SCRIB: variants seen among roughly 807,000 people sequenced by gnomAD.
SCRIB encodes the protein protein scribble homolog.
In SCRIB, 72 loss-of-function variants were observed where a neutral mutation model predicts 170.0. The observed-to-expected ratio is 0.42, with a 90% CI of 0.35 to 0.52. The LOEUF is 0.52. Ranked by LOEUF, SCRIB falls within the 20% of genes least tolerant of loss-of-function variation. SCRIB has a pLI of 0.02. For synonymous variants in SCRIB, 1,298 were observed against 1,044.3 expected (o/e 1.24, Z -4.68); for missense variants, 2,475 against 2,338.5 (o/e 1.06, Z -1.20).
intron 21 of SCRIB, 130 bp downstream of exon 21, chr8:143,804,438 C>A: frequency 1.0e-6 from 1 of 982,438 alleles, no homozygotes. Context: ...CAAGGAGCTG[C>A]AGGGGAAAGG....
In SCRIB at chr8:143,812,942, C is replaced by T. The variant is rs750411682; in HGVS notation, c.662G>A (p.Arg221His). The T allele has an allele frequency of 1.9e-5, 30 of 1,612,664 alleles. No homozygotes were observed. The highest frequency in any genetic ancestry group is 9.9e-5 in the South Asian group (9 of 91,056). The stretch of plus-strand genomic sequence containing the variant: ...TTCCGACACGTCCAGGCACACCAGG[C>T]GCCGCAGGTTCCCGAGCTCCTGCAG... ...ALPPELGNLR[R>H]LVCLDVSENR... is the part of the protein sequence containing the mutation. The change falls in exon 8 of 37, where the codon CGC becomes CAC. Residue 221 changes from arginine (R) to histidine (H), a missense_variant. Arg to His is a conservative substitution (Grantham distance 29). This residue lies in a region of SCRIB where 487 missense variants were observed against 558.1 expected (regional missense o/e 0.87). Transcript: ENST00000356994.
chr8:143,814,445 C>A (rs1815931033), intron 1 of SCRIB, among the ~76,000 whole-genome samples: 1 of 152,172 alleles, frequency 6.6e-6, no homozygotes. Context: ...TTCTGCCACC[C>A]TCCAGGGGCC....
In SCRIB at chr8:143,792,863, G is replaced by A. The variant is rs782103526; in HGVS notation, c.4022C>T (p.Pro1341Leu). ...CGGGGAGGCTGCAGGCCCAGGCGTGGGGGGCTGGGGGGAGCGGACCTTGAG... is the reference window on the plus strand; with the variant it reads ...CGGGGAGGCTGCAGGCCCAGGCGTGAGGGGCTGGGGGGAGCGGACCTTGAG... ...HPPEDAPAQP[P>L]TPGPAASPEQ... is the part of the protein sequence containing the mutation. The change falls in exon 30 of 37, where the codon CCC (proline) becomes CTC (leucine). Residue 1341 changes from proline (P) to leucine (L), a missense_variant. Coordinates refer to ENST00000356994, the MANE Select transcript of SCRIB (RefSeq NM_182706.5). 94 of 1,510,666 alleles carry A rather than the reference G, an allele frequency of 6.2e-5. No homozygotes were observed. The South Asian group carries it at 1.1e-3, about 18-fold the overall frequency. 93.6% of individuals were successfully genotyped at this position (1,510,666 alleles called of 1,614,324 possible).
intron 15 of SCRIB, 122 bp from the exon 16 acceptor site, chr8:143,807,736 G>A: frequency 1.3e-6 from 1 of 799,254 alleles, no homozygotes; most frequent in South Asian, 1.4e-5. Context: ...TCCCTCGACT[G>A]CCCTGGCACG....
rs554339633 is a variant in SCRIB at position 143,803,255 on chromosome 8, G to A, written c.3603+128C>T. ...CTCCCCAGCCCGCACGGCTGATGCA[G>A]AGCCGCAGAGCACCGCCCAGACCCA... On this transcript the variant is annotated intron_variant, in intron 24 of 36. Coordinates refer to ENST00000356994, the MANE Select transcript of SCRIB (RefSeq NM_182706.5). 2,888 of 890,952 alleles carry A rather than the reference G, an allele frequency of 3.2e-3. 72 individuals are homozygous for A. Among genetic ancestry groups the A allele is most frequent in the Middle Eastern group, 2.9e-3 (8 of 2,802 alleles). 55.2% of individuals were successfully genotyped at this position (890,952 alleles called of 1,614,324 possible).
At chr8:143,811,439 C>G (rs1007150784) in intron 9 of SCRIB, 94 bp from the exon 10 acceptor site, 1 of 1,103,032 alleles carries the variant, frequency 9.1e-7, no homozygotes, top group Middle Eastern at 2.4e-4. Flanking sequence ...ACACCCCAGG[C>G]CAGCTCCAGC....
At chr8:143,803,189 G>A (rs571230074) in intron 24 of SCRIB, among the ~76,000 whole-genome samples, 194 bp downstream of exon 24, 70 of 152,278 alleles carry the variant, frequency 4.6e-4, no homozygotes, top group Admixed American at 1.0e-3. Context: ...TCGATGAGCC[G>A]GAGCTCAGCA....
chr8:143,804,450 C>G lies in SCRIB; in HGVS notation c.3009+118G>C, dbSNP rs566154940. 8.1e-6 allele frequency: 9 copies of G among 1,106,090 alleles called. No individual in the cohort carries two copies. The African/African-American group carries it at 1.4e-4, about 17-fold the overall frequency. 68.5% of individuals were successfully genotyped at this position (1,106,090 alleles called of 1,614,324 possible). On this transcript the variant is annotated intron_variant, in intron 21 of 36. Coordinates refer to ENST00000356994, the MANE Select transcript of SCRIB (RefSeq NM_182706.5). ...CCTCAAGGAGCTGCAGGGGAAAGGG[C>G]GAGCAGGCCGGCTTCCCACCTGGAG...
intron 1 of SCRIB, chr8:143,814,948 G>A: frequency 2.1e-6 from 1 of 486,764 alleles, no homozygotes; most frequent in African/African-American, 2.0e-5. Flanking sequence ...CCACCTCCCT[G>A]AATCCCCACG....
rs772469431 is a variant in SCRIB, at chr8:143,811,370, G to A, written c.907-25C>T. ...CCTGGCCAAGAAGAGGAGGTCAGAG[G>A]ACGCTAGGGGCTTGCTGGGGGTGGG... On this transcript the variant is annotated intron_variant, in intron 9 of 36. Transcript: ENST00000356994. 370 of 1,597,182 alleles carry A rather than the reference G, an allele frequency of 2.3e-4. 2 individuals carry two copies. The highest frequency in any genetic ancestry group is 2.8e-4 in the Non-Finnish European group (322 of 1,167,812).
At position 143,806,939 on chromosome 8, in the gene SCRIB, A is replaced by G. The variant is rs1554636733; in HGVS notation, c.2253T>C (p.Tyr751=). 3.7e-6 allele frequency: 6 copies of G among 1,612,416 alleles called. No individual in the cohort carries two copies. Among genetic ancestry groups the G allele is most frequent in the Non-Finnish European group, 5.1e-6 (6 of 1,179,216 alleles). ...CAGTGCTCACCTCGTCGTCCCCCTT[A>G]TAGGGTGTGGAGCCCTTGCCGCCCG... ...SIAGGKGSTP[Y]KGDDEGIFIS... The change falls in exon 17 of 37, where the codon TAT becomes TAC. Residue 751 remains tyrosine, a synonymous_variant. Transcript: ENST00000356994.
chr8:143,809,149 C>G lies in SCRIB; in HGVS notation c.1699-124G>C, dbSNP rs919148297. On this transcript the variant is annotated intron_variant, in intron 14 of 36. Transcript: ENST00000356994. ...CTCCCCGCCACACAAAGACTCAGCA[C>G]TAACTGCCCAGTGAGGGGCGCGTGT... 7.7e-6 allele frequency: 10 copies of G among 1,299,116 alleles called. No individual in the cohort carries two copies. In the African/African-American group the frequency reaches 1.5e-4, roughly 19 times the overall value. 80.5% of individuals were successfully genotyped at this position (1,299,116 alleles called of 1,614,324 possible). A position where few individuals can be genotyped will look rare whatever the true frequency, so the allele number is the denominator to read the frequency against.
chr8:143,791,956 A>G, intron 33 of SCRIB, 35 bp downstream of exon 33: 1 of 1,487,498 alleles, frequency 6.7e-7, no homozygotes, highest in Non-Finnish European at 8.9e-7. Context: ...CCCATGCGGC[A>G]GGCTGACCCC....
Position 143,791,308 on chromosome 8 carries a change from C to T in SCRIB, c.4823G>A (p.Gly1608Asp). The T allele has an allele frequency of 1.3e-6, 2 of 1,573,532 alleles. No homozygotes were observed. The highest frequency in any genetic ancestry group is 1.7e-6 in the Non-Finnish European group (2 of 1,159,272). Residue 1608 changes from glycine to aspartate, a missense_variant and splice_region_variant, in exon 37 of 37, where the codon GGC (glycine) becomes GAC (aspartate). This residue lies in a region of SCRIB where 1,966 missense variants were observed against 1,742.9 expected (regional missense o/e 1.13). Coordinates refer to ENST00000356994, the MANE Select transcript of SCRIB (RefSeq NM_182706.5). ...LRSLEPSPSP[G>D]PQEEDGEVAL... ...CACTTCTCCATCCTCCTCCTGCGGG[C>T]CTGGAGGGCAGGGACAGGTGGGCAG...
rs1342090045 is a variant in SCRIB at position 143,793,718 on chromosome 8, G to C, written c.3909+182C>G. 4 of 584,716 alleles carry C rather than the reference G, an allele frequency of 6.8e-6. No homozygotes were observed. The African/African-American group carries it at 7.5e-5, about 11-fold the overall frequency. 36.2% of individuals were successfully genotyped at this position (584,716 alleles called of 1,614,324 possible). A position where few individuals can be genotyped will look rare whatever the true frequency, so the allele number is the denominator to read the frequency against. On this transcript the variant is annotated intron_variant, in intron 28 of 36. Coordinates refer to ENST00000356994, the MANE Select transcript of SCRIB (RefSeq NM_182706.5). ...CCCCATCGCCAGGCAGCTCTGGCCA[G>C]GAAAGCGTCCCTGGCCTTCCTCACA...
chr8:143,810,001 G>A (rs988450868), intron 13 of SCRIB, among the ~76,000 whole-genome samples: 22 of 152,048 alleles, frequency 1.4e-4, no homozygotes, highest in Admixed American at 5.2e-4. Context: ...AAATCCCAGC[G>A]TGATATGAAC....
chr8:143,814,945 C>T (rs572515771), intron 1 of SCRIB: 2 of 486,776 alleles, frequency 4.1e-6, no homozygotes, highest in East Asian at 3.6e-5. Flanking sequence ...CATCCACCTC[C>T]CTGAATCCCC....
rs745996227 is a variant in SCRIB at position 143,812,288 on chromosome 8, A to G, written c.884T>C (p.Ile295Thr). The change falls in exon 9 of 37, where the codon ATC becomes ACC. Residue 295 changes from isoleucine (I) to threonine (T), a missense_variant. By Grantham distance (89) the Ile-to-Thr change is moderately conservative (BLOSUM62 -1). Around this residue, in one of 3 missense-constraint regions of SCRIB, gnomAD observed 487 missense variants for 558.1 expected, o/e 0.87. Transcript: ENST00000356994. ...TACCATCAGCAGGTTCTCCGTGAGG[A>G]TCAGCTCAGAGAGGTTCTCACAGTC... Reference protein sequence around the residue: ...IGDCENLSELILTENLLMALP... With the variant: ...IGDCENLSELTLTENLLMALP... 6.2e-7 allele frequency: 1 copy of G among 1,611,788 alleles called. No individual in the cohort carries two copies. Among genetic ancestry groups the G allele is most frequent in the Admixed American group, 1.7e-5 (1 of 60,018 alleles).
At chr8:143,807,096 G>C (rs1815464061) in intron 16 of SCRIB, 83 bp from the exon 17 acceptor site, 10 of 1,006,932 alleles carry the variant, frequency 9.9e-6, no homozygotes, top group Non-Finnish European at 1.5e-5. Context: ...CCAGCACGCA[G>C]ATGCCATTTC....
Sources: allele counts gnomAD v4.1 joint callset (sites outside exome capture counted in the v4.1 genomes callset), GRCh38; gene constraint gnomAD v4.1.1; regional missense constraint gnomAD v4.1.1; transcripts MANE v1.5; gene names NCBI Gene and HGNC (gene_info 2026-07-23, HGNC 2026-07-21).